Variants in GRM4 observed in about 807,000 individuals in gnomAD.
GRM4 encodes the protein metabotropic glutamate receptor 4.
GRM4 carries 28 observed loss-of-function variants against 81.7 expected under a neutral mutation model. The ratio of observed to expected loss-of-function variants is 0.34; its 90% CI spans 0.25 to 0.47. GRM4 has a LOEUF of 0.47. Ranked by LOEUF, GRM4 falls within the 20% of genes least tolerant of loss-of-function variation. The probability of loss-of-function intolerance (pLI) is 1.00; values close to 1 mark genes in which losing one functional copy is unlikely to be tolerated. For missense variants in GRM4, 948 were observed against 1,290.0 expected (o/e 0.73, Z 4.06); for synonymous variants, 488 against 528.8 (o/e 0.92, Z 1.06).
chr6:34,145,208 C>T (rs1235065513), intron 1 of GRM4, among the ~76,000 whole-genome samples: 1 of 151,576 alleles, frequency 6.6e-6, no homozygotes, highest in East Asian at 1.9e-4. Flanking sequence ...CGGGCCGCGG[C>T]GGGCAGCGCT....
intron 10 of GRM4, among the ~76,000 whole-genome samples, chr6:34,024,914 T>A (rs1764057597): frequency 6.6e-6 from 1 of 152,188 alleles, no homozygotes; most frequent in Non-Finnish European, 1.5e-5. Flanking sequence ...ATGACCCATG[T>A]CCTTCCAGGG....
intron 6 of GRM4, among the ~76,000 whole-genome samples, chr6:34,046,046 G>A (rs1333601598): frequency 2.6e-5 from 4 of 152,112 alleles, no homozygotes; most frequent in African/African-American, 7.2e-5. Flanking sequence ...AGTTTTCAAG[G>A]TTGAAATAAT....
At chr6:34,062,244 A>T (rs892772107) in intron 3 of GRM4, 1 of 495,344 alleles carries the variant, frequency 2.0e-6, no homozygotes, top group African/African-American at 1.9e-5. Context: ...GACCCTGGAT[A>T]TGTCACTTAA....
chr6:34,040,362 G>T, intron 7 of GRM4, 48 bp from the exon 8 acceptor site: 1 of 1,599,468 alleles, frequency 6.3e-7, no homozygotes, highest in Non-Finnish European at 8.6e-7. Context: ...CCAGAGGCAG[G>T]GCGGATGATG....
chr6:34,130,908 TG>T lies in GRM4; in HGVS notation c.519+2069del, dbSNP rs1770207402. On this transcript the variant is annotated intron_variant, in intron 2 of 10. Transcript: ENST00000538487. The surrounding 1 kb of genome is among the most constrained non-coding windows in gnomAD (Gnocchi z 4.1). ...AAAGAGAATACAGCAGCCTCCCTTGTGGGGTGGCCTTCCTGGAGGCTGGGGA... is the reference window on the plus strand; with the variant it reads ...AAAGAGAATACAGCAGCCTCCCTTGTGGGTGGCCTTCCTGGAGGCTGGGGA... 1.3e-5 allele frequency among the ~76,000 whole-genome samples: 2 copies of T among 152,214 alleles called. No homozygotes were observed. The highest frequency in any genetic ancestry group is 1.3e-4 in the Admixed American group (2 of 15,290).
chr6:34,080,275 C>T lies in GRM4; in HGVS notation c.736+11608G>A, dbSNP rs1468730643. The stretch of plus-strand genomic sequence containing the variant: ...ACCTTGCAGGGAAGAGTCTCCCTTA[C>T]TTGCCCCTCTCTGTCCACTTACACT... On this transcript the variant is annotated intron_variant, in intron 3 of 10. Coordinates refer to ENST00000538487, the MANE Select transcript of GRM4 (RefSeq NM_000841.4). The surrounding 1 kb of genome is among the most constrained non-coding windows in gnomAD (Gnocchi z 5.4). Among the ~76,000 whole-genome samples, 1 of 152,216 alleles carries T rather than the reference C, an allele frequency of 6.6e-6. No individual in the cohort carries two copies. The highest frequency in any genetic ancestry group is 1.5e-5 in the Non-Finnish European group (1 of 68,034).
intron 3 of GRM4, among the ~76,000 whole-genome samples, chr6:34,072,981 T>TACCACACACACACATCACACAGATACAC (rs1767048150): frequency 2.4e-4 from 2 of 8,168 alleles, no homozygotes; most frequent in Non-Finnish European, 5.1e-4. Context: ...CACAGATACA[T>TACCACACACACACATCACACAGATACAC]ACCACACACA....
At chr6:34,046,612 C>T (rs988119482) in intron 6 of GRM4, among the ~76,000 whole-genome samples, 4 of 152,238 alleles carry the variant, frequency 2.6e-5, no homozygotes, top group African/African-American at 7.2e-5. Flanking sequence ...AATGCTCCAG[C>T]TCCGCCAGTC....
Position 34,042,072 on chromosome 6 carries a change from T to C in GRM4, c.1169-1324A>G, listed in dbSNP as rs893510494. The stretch of plus-strand genomic sequence containing the variant: ...TTCAAGACCAGCCCAGCCAACACGC[T>C]GAAACCCCATCTCTACTCAAAATAC... On this transcript the variant is annotated intron_variant, in intron 6 of 10. Transcript: ENST00000538487. The surrounding 1 kb of genome is among the most constrained non-coding windows in gnomAD (Gnocchi z 4.2). Among the ~76,000 whole-genome samples the C allele has an allele frequency of 6.6e-6, 1 of 152,096 alleles. No individual in the cohort carries two copies. Among genetic ancestry groups the C allele is most frequent in the Admixed American group, 6.6e-5 (1 of 15,266 alleles).
At position 34,044,058 on chromosome 6, in the gene GRM4, A is replaced by G. The variant is rs1272127846; in HGVS notation, c.1169-3310T>C. On this transcript the variant is annotated intron_variant, in intron 6 of 10. Transcript: ENST00000538487. ...CACACACACACACATAGACATACATACATACACATATATACACAGACACAC... is the reference window on the plus strand; with the variant it reads ...CACACACACACACATAGACATACATGCATACACATATATACACAGACACAC... Among the ~76,000 whole-genome samples the G allele has an allele frequency of 4.0e-5, 6 of 151,822 alleles. No homozygotes were observed. The East Asian group carries it at 1.2e-3, about 29-fold the overall frequency.
At chr6:34,077,597 C>A (rs1561796241) in intron 3 of GRM4, among the ~76,000 whole-genome samples, 1 of 152,178 alleles carries the variant, frequency 6.6e-6, no homozygotes, top group Admixed American at 6.5e-5. Flanking sequence ...CAATCCTCAG[C>A]CCTGTCCTGA....
rs558543364 is a variant in GRM4 at position 34,080,906 on chromosome 6, A to C, written c.736+10977T>G. 6.6e-6 allele frequency among the ~76,000 whole-genome samples: 1 copy of C among 151,586 alleles called. No individual in the cohort carries two copies. Among genetic ancestry groups the C allele is most frequent in the Non-Finnish European group, 1.5e-5 (1 of 67,902 alleles). On this transcript the variant is annotated intron_variant, in intron 3 of 10. Coordinates refer to ENST00000538487, the MANE Select transcript of GRM4 (RefSeq NM_000841.4). The surrounding 1 kb of genome is among the most constrained non-coding windows in gnomAD (Gnocchi z 5.4). Reference sequence around the variant, plus strand: ...CACACACACAACCCTTACCATGCCAAGGTCTTCCAAGCCTCAGACCAGGTG... The same window carrying C: ...CACACACACAACCCTTACCATGCCACGGTCTTCCAAGCCTCAGACCAGGTG...
In GRM4 at chr6:34,033,301, T is replaced by C. The variant is rs1475501515; in HGVS notation, c.2442+2367A>G. Among the ~76,000 whole-genome samples the C allele has an allele frequency of 4.6e-5, 7 of 152,134 alleles. No individual in the cohort carries two copies. In the South Asian group the frequency reaches 1.0e-3, roughly 23 times the overall value. ...TCTTAGGGCCCCCACAGGGCCCCCATTGGAAGATGACCCTTGAGGAGCTGT... is the reference window on the plus strand; with the variant it reads ...TCTTAGGGCCCCCACAGGGCCCCCACTGGAAGATGACCCTTGAGGAGCTGT... On this transcript the variant is annotated intron_variant, in intron 9 of 10. Coordinates refer to ENST00000538487, the MANE Select transcript of GRM4 (RefSeq NM_000841.4).
chr6:34,115,263 T>C lies in GRM4; in HGVS notation c.519+17715A>G, dbSNP rs928211873. 1.3e-5 allele frequency among the ~76,000 whole-genome samples: 2 copies of C among 152,210 alleles called. No homozygotes were observed. The highest frequency in any genetic ancestry group is 2.9e-5 in the Non-Finnish European group (2 of 68,036). On this transcript the variant is annotated intron_variant, in intron 2 of 10. Coordinates refer to ENST00000538487, the MANE Select transcript of GRM4 (RefSeq NM_000841.4). The surrounding 1 kb of genome is among the most constrained non-coding windows in gnomAD (Gnocchi z 4.1). ...GTGCGTGTATGCGTGTGTGTGTGTGTGCATGCGTGTGGCCACCCCCGTGGG... is the reference window on the plus strand; with the variant it reads ...GTGCGTGTATGCGTGTGTGTGTGTGCGCATGCGTGTGGCCACCCCCGTGGG...
At position 34,036,484 on chromosome 6, in the gene GRM4, G is replaced by T; in HGVS notation, c.1626C>A (p.Cys542Ter). 1 of 1,612,918 alleles carries T rather than the reference G, an allele frequency of 6.2e-7. No homozygotes were observed. The highest frequency in any genetic ancestry group is 8.5e-7 in the Non-Finnish European group (1 of 1,179,508). ...TVKGMPCCWH[C>*]EPCTGYQYQV... is the part of the protein sequence containing the mutation. ...GGTACTGGTACCCTGTGCAAGGCTC[G>T]CAGTGCCAGCAGCAAGGCATGCCCT... Residue 542 changes from cysteine (C) to a stop codon, truncating the protein, a stop_gained, in exon 9 of 11, where the codon TGC becomes TGA. Coordinates refer to ENST00000538487, the MANE Select transcript of GRM4 (RefSeq NM_000841.4). LOFTEE classifies it high-confidence loss of function. This position sits in a 1 kb window ranked among gnomAD's most constrained non-coding sequence, Gnocchi z 9.0.
At chr6:34,132,310 C>T (rs58905671) in intron 2 of GRM4, among the ~76,000 whole-genome samples, 1,725 of 152,222 alleles carry the variant, frequency 0.011, 27 homozygotes, top group African/African-American at 0.035. Context: ...CTCTCTCAGG[C>T]CTCAGTTTTC....
chr6:34,154,590 T>TACACACACACACACACACACACACACAC (rs57603011), intron 1 of GRM4, among the ~76,000 whole-genome samples: 1 of 144,998 alleles, frequency 6.9e-6, no homozygotes, highest in African/African-American at 2.6e-5. Flanking sequence ...TGGTCCTGAC[T>TACACACACACACACACACACACACACAC]ACACACACAC....
In GRM4 at chr6:34,133,916, C is replaced by G; in HGVS notation, c.-363-57G>C. 1.3e-6 allele frequency: 1 copy of G among 764,292 alleles called. No individual in the cohort carries two copies. The highest frequency in any genetic ancestry group is 1.6e-6 in the Non-Finnish European group (1 of 624,280). 47.3% of individuals were successfully genotyped at this position (764,292 alleles called of 1,614,324 possible). A position where few individuals can be genotyped will look rare whatever the true frequency, so the allele number is the denominator to read the frequency against. On this transcript the variant is annotated intron_variant, in intron 1 of 10. Transcript: ENST00000538487. The surrounding 1 kb of genome is among the most constrained non-coding windows in gnomAD (Gnocchi z 6.5). ...AACAGAAGCCCAAAGAAGACATTAG[C>G]TAGTCTCATCTCTCATCAGGAGCCT...
Position 34,111,144 on chromosome 6 carries a change from C to CAT in GRM4, c.520-19046_520-19045insAT, listed in dbSNP as rs1429470551. On this transcript the variant is annotated intron_variant, in intron 2 of 10. Coordinates refer to ENST00000538487, the MANE Select transcript of GRM4 (RefSeq NM_000841.4). The surrounding 1 kb of genome is among the most constrained non-coding windows in gnomAD (Gnocchi z 5.1). ...ACACACACACACACACACACACACA[C>CAT]ACACACACACGCCAGGATCCAACCC... The CAT allele has an allele frequency of 1.2e-5, 2 of 164,274 alleles. No individual in the cohort carries two copies. Among genetic ancestry groups the CAT allele is most frequent in the African/African-American group, 4.8e-5 (2 of 41,394 alleles). The allele number at this position is 164,274 out of a possible 1,614,324, so 10.2% of individuals were successfully genotyped here.
Sources: gnomAD v4.1 joint callset for allele counts (sites outside exome capture counted in the v4.1 genomes callset) on GRCh38, gnomAD v4.1.1 for gene constraint, Gnocchi (gnomAD v3.1) non-coding constraint, MANE v1.5 for transcripts, NCBI Gene and HGNC (gene_info 2026-07-23, HGNC 2026-07-21) for gene names.